The following SV2C variants were observed in gnomAD, a reference collection of about 807,000 sequenced individuals.
The protein encoded by SV2C is solute carrier family 22 member B3.
Under a neutral mutation model 79.7 loss-of-function variants are expected in SV2C, and 49 were observed. That is an observed-to-expected ratio of 0.61 (90% CI 0.49 to 0.78). The LOEUF is 0.78. Ranked by LOEUF, SV2C falls within the 30% of genes least tolerant of loss-of-function variation. The pLI is 0.00. For synonymous variants in SV2C, 334 were observed against 333.2 expected (o/e 1.00, Z -0.03); for missense variants, 833 against 912.9 (o/e 0.91, Z 1.13).
chr5:75,864,807 G>T, the SV2C span, among the ~76,000 whole-genome samples: 1 of 152,202 alleles, frequency 6.6e-6, no homozygotes, highest in Admixed American at 6.5e-5. Context: ...ATAGCCTTTT[G>T]GGTTCTGAGG....
chr5:76,155,785 A>G (rs1231802116), intron 2 of SV2C, among the ~76,000 whole-genome samples: 1 of 151,974 alleles, frequency 6.6e-6, no homozygotes, highest in African/African-American at 2.4e-5. Flanking sequence ...CTTAGAGAGA[A>G]GCATACCATT....
chr5:75,901,058 A>C, the SV2C span, among the ~76,000 whole-genome samples: 10 of 152,050 alleles, frequency 6.6e-5, no homozygotes, highest in Non-Finnish European at 1.5e-4. Flanking sequence ...GAGTAGTTTG[A>C]TCATCTGAAG....
intron 2 of SV2C, among the ~76,000 whole-genome samples, chr5:76,171,580 C>CG (rs1003459955): frequency 6.9e-6 from 1 of 145,056 alleles, no homozygotes; most frequent in African/African-American, 2.5e-5. Context: ...GCGTCTCCGC[C>CG]GGGCAGCCAC....
At chr5:75,957,558 G>A in the SV2C span, among the ~76,000 whole-genome samples, 358 of 152,090 alleles carry the variant, frequency 2.4e-3, 3 homozygotes, top group African/African-American at 8.3e-3. Flanking sequence ...TCTTGCCCCA[G>A]GGCTATACTA....
intron 4 of SV2C, among the ~76,000 whole-genome samples, chr5:76,218,544 G>C (rs996782947): frequency 3.9e-5 from 6 of 152,164 alleles, no homozygotes; most frequent in Admixed American, 1.3e-4. Context: ...TCATAAGTGG[G>C]AGTTGAACAA....
chr5:76,285,146 T>C lies in SV2C; in HGVS notation c.914-16T>C, dbSNP rs1331117214. On this transcript the variant is annotated splice_polypyrimidine_tract_variant and intron_variant, in intron 4 of 12. Coordinates refer to ENST00000502798, the MANE Select transcript of SV2C (RefSeq NM_014979.4). ...GGGAGGAGCTCTCCCTCACTCTCCG[T>C]GTCCTCCTTTTCCAGGGTGGAGCTT... 1 of 1,613,730 alleles carries C rather than the reference T, an allele frequency of 6.2e-7. No homozygotes were observed. Among genetic ancestry groups the C allele is most frequent in the East Asian group, 2.2e-5 (1 of 44,876 alleles).
At chr5:76,197,537 G>T (rs969548774) in intron 3 of SV2C, among the ~76,000 whole-genome samples, 4 of 152,122 alleles carry the variant, frequency 2.6e-5, no homozygotes, top group African/African-American at 9.7e-5. Flanking sequence ...TGTGAGCTTA[G>T]TTACCTTAGT....
chr5:75,988,280 G>A, the SV2C span, among the ~76,000 whole-genome samples: 11 of 151,928 alleles, frequency 7.2e-5, no homozygotes, highest in African/African-American at 1.4e-4. Context: ...GTATGTAAAT[G>A]CACATTGCTT....
intron 2 of SV2C, among the ~76,000 whole-genome samples, chr5:76,155,124 G>A (rs1300830918): frequency 2.0e-5 from 3 of 152,166 alleles, no homozygotes; most frequent in Non-Finnish European, 4.4e-5. Flanking sequence ...TATTTGTGGA[G>A]CCATCTGGCC....
chr5:75,991,703 G>GAT, the SV2C span, among the ~76,000 whole-genome samples: 7 of 148,930 alleles, frequency 4.7e-5, no homozygotes, highest in Non-Finnish European at 7.4e-5. Flanking sequence ...CCATCAGATA[G>GAT]ATATATATAT....
At chr5:75,984,360 T>C in the SV2C span, among the ~76,000 whole-genome samples, 6 of 152,256 alleles carry the variant, frequency 3.9e-5, no homozygotes, top group African/African-American at 1.4e-4. Context: ...AAGGGCCTAC[T>C]ATATGCTAGG....
At chr5:76,272,074 G>A (rs1746886149) in intron 4 of SV2C, among the ~76,000 whole-genome samples, 1 of 152,116 alleles carries the variant, frequency 6.6e-6, no homozygotes, top group Non-Finnish European at 1.5e-5. Flanking sequence ...TAAATGATTT[G>A]TTCTGGATCA....
chr5:76,224,693 C>A (rs1745187829), intron 4 of SV2C, among the ~76,000 whole-genome samples: 2 of 151,678 alleles, frequency 1.3e-5, no homozygotes, highest in South Asian at 2.1e-4. Context: ...AGTTGAATAA[C>A]CTCAAAATCC....
At chr5:76,103,683 G>GT (rs1439165221) in intron 1 of SV2C, among the ~76,000 whole-genome samples, 1 of 152,212 alleles carries the variant, frequency 6.6e-6, no homozygotes, top group Non-Finnish European at 1.5e-5. Flanking sequence ...CCTGGGTGCT[G>GT]TTAGGGCACC....
At chr5:76,044,660 A>C in the SV2C span, among the ~76,000 whole-genome samples, 3 of 152,198 alleles carry the variant, frequency 2.0e-5, no homozygotes, top group African/African-American at 7.2e-5. Context: ...TCTAATAATC[A>C]GTGATGTTGA....
chr5:76,296,014 C>G, intron 9 of SV2C, 72 bp downstream of exon 9: 1 of 1,379,510 alleles, frequency 7.2e-7, no homozygotes, highest in Non-Finnish European at 9.7e-7. Context: ...TTTCCCTGCA[C>G]TGAAACAGGC....
intron 2 of SV2C, chr5:76,174,159 G>A: frequency 6.2e-7 from 1 of 1,612,544 alleles, no homozygotes; most frequent in Non-Finnish European, 8.5e-7. Flanking sequence ...CGTGAGCCAA[G>A]AACGACTAGC....
chr5:76,248,945 A>T (rs1006977710), intron 4 of SV2C, among the ~76,000 whole-genome samples: 1 of 152,196 alleles, frequency 6.6e-6, no homozygotes, highest in South Asian at 2.1e-4. Flanking sequence ...GAATGACTGA[A>T]TGAAAAGAAT....
chr5:75,912,224 C>G, the SV2C span, among the ~76,000 whole-genome samples: 3 of 152,196 alleles, frequency 2.0e-5, no homozygotes, highest in East Asian at 3.8e-4. Flanking sequence ...AGCACACATA[C>G]TCAGAGATAG....
Sources: gnomAD v4.1 joint callset for allele counts (sites outside exome capture counted in the v4.1 genomes callset) on GRCh38, gnomAD v4.1.1 for gene constraint, MANE v1.5 for transcripts, NCBI Gene and HGNC (gene_info 2026-07-23, HGNC 2026-07-21) for gene names.